Variants in PGGT1B observed in about 807,000 individuals in gnomAD.
PGGT1B encodes geranylgeranyl transferase type-1 subunit beta.
Under a neutral mutation model 46.1 loss-of-function variants are expected in PGGT1B, and 30 were observed. That is an observed-to-expected ratio of 0.65 (90% CI 0.49 to 0.88). The LOEUF (loss-of-function observed/expected upper bound fraction) is 0.88. Among genes scored for constraint, PGGT1B ranks in the 40% least tolerant of loss-of-function variants. The probability of loss-of-function intolerance (pLI) is 0.00; values close to 1 mark genes in which losing one functional copy is unlikely to be tolerated. For missense variants in PGGT1B, 376 were observed against 455.9 expected (o/e 0.82, Z 1.60); for synonymous variants, 170 against 160.0 (o/e 1.06, Z -0.47).
chr5:115,256,844 G>C (rs888910515), intron 1 of PGGT1B, among the ~76,000 whole-genome samples: 1 of 152,182 alleles, frequency 6.6e-6, no homozygotes, highest in Non-Finnish European at 1.5e-5. Flanking sequence ...ACCTGACTCA[G>C]CACAGGTGTA....
intron 1 of PGGT1B, among the ~76,000 whole-genome samples, chr5:115,259,361 C>A (rs2127037031): frequency 6.6e-6 from 1 of 152,268 alleles, no homozygotes; most frequent in Non-Finnish European, 1.5e-5. Flanking sequence ...CCCACCACTA[C>A]ACTTTGAAAG....
At chr5:115,256,151 A>G (rs1331171484) in intron 1 of PGGT1B, among the ~76,000 whole-genome samples, 1 of 152,172 alleles carries the variant, frequency 6.6e-6, no homozygotes, top group African/African-American at 2.4e-5. Context: ...ATCATAATCA[A>G]ACATTCTTGG....
chr5:115,227,067 G>C (rs149944118), intron 6 of PGGT1B, among the ~76,000 whole-genome samples: 5 of 152,242 alleles, frequency 3.3e-5, no homozygotes, highest in African/African-American at 1.2e-4. Context: ...GTGCATGGAA[G>C]GGGTCACTCA....
At chr5:115,230,822 T>C (rs903622539) in intron 6 of PGGT1B, among the ~76,000 whole-genome samples, 154 bp downstream of exon 6, 1 of 151,932 alleles carries the variant, frequency 6.6e-6, no homozygotes, top group Non-Finnish European at 1.5e-5. Flanking sequence ...ATAGACAAAA[T>C]GGTGTCAAAA....
intron 2 of PGGT1B, among the ~76,000 whole-genome samples, chr5:115,244,732 A>G (rs894350264): frequency 6.6e-6 from 1 of 151,798 alleles, no homozygotes; most frequent in Admixed American, 6.6e-5. Flanking sequence ...CTAGGACTAC[A>G]GGCATGAGCT....
At chr5:115,233,279 C>A (rs180978786) in intron 5 of PGGT1B, among the ~76,000 whole-genome samples, 7 of 150,536 alleles carry the variant, frequency 4.7e-5, no homozygotes, top group Non-Finnish European at 8.9e-5. Flanking sequence ...AACAGATGAA[C>A]AAACAATAGA....
Position 115,221,878 on chromosome 5 carries a change from T to A in PGGT1B, c.789A>T (p.Arg263Ser). 6.2e-7 allele frequency: 1 copy of A among 1,609,624 alleles called. No individual in the cohort carries two copies. Among genetic ancestry groups the A allele is most frequent in the Non-Finnish European group, 8.5e-7 (1 of 1,178,124 alleles). The change falls in exon 7 of 9, where the codon AGA becomes AGT. Residue 263 changes from arginine (R) to serine (S), a missense_variant. By Grantham distance (110) the Arg-to-Ser change is moderately radical. Around this residue, in one of 2 missense-constraint regions of PGGT1B, gnomAD observed 222 missense variants for 313.6 expected, o/e 0.71. Transcript: ENST00000419445. ...IMRQQNGYHG[R>S]PNKPVDTCYS... The stretch of plus-strand genomic sequence containing the variant: ...AACAGGTGTCTACAGGCTTATTAGG[T>A]CTTCCATGATAACCATTTTGTTGCC...
At chr5:115,227,903 T>G (rs1756840540) in intron 6 of PGGT1B, among the ~76,000 whole-genome samples, 1 of 152,152 alleles carries the variant, frequency 6.6e-6, no homozygotes, top group Non-Finnish European at 1.5e-5. Context: ...TATTTTCCTC[T>G]TAGTCTGTAG....
At position 115,221,819 on chromosome 5, in the gene PGGT1B, CT is replaced by C; in HGVS notation, c.843+4del. 6.5e-7 allele frequency: 1 copy of C among 1,543,510 alleles called. No individual in the cohort carries two copies. Among genetic ancestry groups the C allele is most frequent in the Non-Finnish European group, 8.7e-7 (1 of 1,144,116 alleles). ...AGGTTTCTCATTTTTTATTATTTCTCTTACCTTCAGAGTTGCTCCCACCCAA... is the reference window on the plus strand; with the variant it reads ...AGGTTTCTCATTTTTTATTATTTCTCTACCTTCAGAGTTGCTCCCACCCAA... On this transcript the variant is annotated splice_donor_region_variant and intron_variant, in intron 7 of 8. Transcript: ENST00000419445.
chr5:115,253,306 C>G, intron 1 of PGGT1B, 51 bp from the exon 2 acceptor site: 7 of 1,394,430 alleles, frequency 5.0e-6, no homozygotes, highest in Non-Finnish European at 5.9e-6. Flanking sequence ...CCACTTAAGT[C>G]TGAAGTCTTC....
rs573318058 is a variant in PGGT1B, at chr5:115,206,086, T to C, written c.*6316A>G. ...TACATTGTTGAATGAAAAAAAACCA[T>C]GGAATATTTAGTACCTCAGATCTTT... On this transcript the variant is annotated 3_prime_UTR_variant, in exon 9 of 9. Coordinates refer to ENST00000419445, the MANE Select transcript of PGGT1B (RefSeq NM_005023.4). 1.3e-5 allele frequency: 2 copies of C among 152,100 alleles called. No individual in the cohort carries two copies. The highest frequency in any genetic ancestry group is 3.9e-4 in the East Asian group (2 of 5,180). 9.4% of individuals were successfully genotyped at this position (152,100 alleles called of 1,614,324 possible). A position where few individuals can be genotyped will look rare whatever the true frequency, so the allele number is the denominator to read the frequency against.
chr5:115,255,670 G>A (rs1454779494), intron 1 of PGGT1B, among the ~76,000 whole-genome samples: 2 of 152,084 alleles, frequency 1.3e-5, no homozygotes, highest in African/African-American at 4.8e-5. Flanking sequence ...GTCAGTAAAA[G>A]CTATGTAGTA....
At chr5:115,239,449 G>A (rs1387673180) in intron 3 of PGGT1B, among the ~76,000 whole-genome samples, 1 of 152,054 alleles carries the variant, frequency 6.6e-6, no homozygotes, top group Admixed American at 6.6e-5. Flanking sequence ...AGTTCTCCTG[G>A]CTATCCTATT....
chr5:115,233,524 C>T (rs1049348661), intron 5 of PGGT1B, among the ~76,000 whole-genome samples: 1 of 144,384 alleles, frequency 6.9e-6, no homozygotes, highest in African/African-American at 2.5e-5. Flanking sequence ...AAATGGAATT[C>T]CTAAAAAGAA....
At chr5:115,228,268 T>A (rs774476736) in intron 6 of PGGT1B, among the ~76,000 whole-genome samples, 1 of 152,150 alleles carries the variant, frequency 6.6e-6, no homozygotes, top group African/African-American at 2.4e-5. Flanking sequence ...TAAAGAACCA[T>A]CTGTTAGTTT....
chr5:115,235,840 G>A (rs942724460), intron 5 of PGGT1B, among the ~76,000 whole-genome samples: 5 of 151,992 alleles, frequency 3.3e-5, no homozygotes, highest in African/African-American at 1.2e-4. Context: ...TGAATTAACA[G>A]CCTAAAATAT....
At chr5:115,254,211 G>A (rs267304) in intron 1 of PGGT1B, among the ~76,000 whole-genome samples, 111,153 of 151,816 alleles carry the variant, frequency 0.73, 41,938 homozygotes, top group African/African-American at 0.93. Flanking sequence ...TGCATCTAGA[G>A]TACTATTATC....
intron 1 of PGGT1B, among the ~76,000 whole-genome samples, chr5:115,258,339 C>T (rs1580784140): frequency 6.6e-6 from 1 of 152,184 alleles, no homozygotes; most frequent in South Asian, 2.1e-4. Flanking sequence ...ACTTCACTGC[C>T]TCAGCATCTC....
chr5:115,207,124 C>A lies in PGGT1B; in HGVS notation c.*5278G>T, dbSNP rs1379770216. The A allele has an allele frequency of 7.0e-6, 1 of 142,660 alleles. No individual in the cohort carries two copies. The highest frequency in any genetic ancestry group is 1.5e-5 in the Non-Finnish European group (1 of 65,854). The allele number at this position is 142,660 out of a possible 1,614,324, so 8.8% of individuals were successfully genotyped here. ...AGTTTTCTTTTTACTTTTGCTATCA[C>A]AAAGGTGGTCTTCTCTTCAAGTATC... is the stretch of plus-strand genomic sequence containing the variant. On this transcript the variant is annotated 3_prime_UTR_variant, in exon 9 of 9. Coordinates refer to ENST00000419445, the MANE Select transcript of PGGT1B (RefSeq NM_005023.4).
Sources: gnomAD v4.1 joint callset for allele counts (sites outside exome capture counted in the v4.1 genomes callset) on GRCh38, gnomAD v4.1.1 for gene constraint, gnomAD v4.1.1 regional missense constraint, MANE v1.5 for transcripts, NCBI Gene and HGNC (gene_info 2026-07-23, HGNC 2026-07-21) for gene names.